ESYT3: variants seen among roughly 807,000 people sequenced by gnomAD.
ESYT3 encodes the protein extended synaptotagmin 3.
ESYT3 carries 101 observed loss-of-function variants against 111.5 expected under a neutral mutation model. That is an observed-to-expected ratio of 0.91 (90% CI 0.77 to 1.07). ESYT3 has a LOEUF of 1.07. ESYT3 is among the 50% of genes least tolerant of loss of function. The pLI is 0.00. For missense variants in ESYT3, 1,097 were observed against 1,109.4 expected, an observed-to-expected ratio of 0.99 and a Z score of 0.16; for synonymous variants, 416 against 446.8, an observed-to-expected ratio of 0.93 and a Z score of 0.87.
At chr3:138,468,489 T>C (rs1308560998) in intron 12 of ESYT3, among the ~76,000 whole-genome samples, 166 bp from the exon 13 acceptor site, 2 of 152,112 alleles carry the variant, frequency 1.3e-5, no homozygotes, top group Non-Finnish European at 1.5e-5. Context: ...ATGCACCAGT[T>C]ATAGTCTTAA....
Position 138,472,384 on chromosome 3 carries a change from G to C in ESYT3, c.1762G>C (p.Glu588Gln), listed in dbSNP as rs1276085996. 1.9e-6 allele frequency: 3 copies of C among 1,613,856 alleles called. No individual in the cohort carries two copies. In the Admixed American group the frequency reaches 5.0e-5, roughly 27 times the overall value. ...VLRFLQVEERELGSPYTGPEA... is the reference protein window; with the variant it reads ...VLRFLQVEERQLGSPYTGPEA... ...GCAGTTCCTGCAAGTGGAGGAACGA[G>C]AGCTGGGGAGCCCATACACAGGACC... The change falls in exon 18 of 23, where the codon GAG becomes CAG. Residue 588 changes from glutamate (E) to glutamine (Q), a missense_variant. Physicochemically the swap from Glu to Gln is conservative, Grantham distance 29. Coordinates refer to ENST00000389567, the MANE Select transcript of ESYT3 (RefSeq NM_031913.5).
chr3:138,448,261 C>T (rs1426961527), intron 1 of ESYT3, among the ~76,000 whole-genome samples: 3 of 100,426 alleles, frequency 3.0e-5, no homozygotes, highest in East Asian at 3.0e-4. Flanking sequence ...AAATGAAACT[C>T]GATCTAAAAA....
intron 1 of ESYT3, among the ~76,000 whole-genome samples, chr3:138,443,736 C>CTCTGTG (rs1553810681): frequency 2.7e-5 from 4 of 147,866 alleles, no homozygotes; most frequent in African/African-American, 1.0e-4. Flanking sequence ...GTTTGTGCAT[C>CTCTGTG]TGTGTGTGTG....
chr3:138,459,047 A>G, intron 4 of ESYT3, 140 bp from the exon 5 acceptor site: 1 of 566,516 alleles, frequency 1.8e-6, no homozygotes, highest in Non-Finnish European at 3.1e-6. Flanking sequence ...CTACTAGGCC[A>G]TGTGCCCAGT....
At chr3:138,454,737 G>C (rs1012766311) in intron 2 of ESYT3, among the ~76,000 whole-genome samples, 1 of 152,138 alleles carries the variant, frequency 6.6e-6, no homozygotes, top group Non-Finnish European at 1.5e-5. Flanking sequence ...TGCAGAAATC[G>C]GGCAAAGGCT....
chr3:138,473,989 A>G (rs2033365626), intron 19 of ESYT3, among the ~76,000 whole-genome samples: 1 of 152,242 alleles, frequency 6.6e-6, no homozygotes, highest in Admixed American at 6.5e-5. Flanking sequence ...GCGTGTTATC[A>G]AAAACATTCA....
At chr3:138,461,179 A>G (rs2032615685) in intron 7 of ESYT3, among the ~76,000 whole-genome samples, 1 of 152,172 alleles carries the variant, frequency 6.6e-6, no homozygotes, top group Non-Finnish European at 1.5e-5. Flanking sequence ...GTGGTGGCAC[A>G]TTGGGTGTGG....
intron 1 of ESYT3, 142 bp from the exon 2 acceptor site, chr3:138,451,906 C>G: frequency 1.1e-6 from 1 of 891,180 alleles, no homozygotes; most frequent in Non-Finnish European, 1.8e-6. Flanking sequence ...GAGAGCGCAC[C>G]TGTGACCGAC....
chr3:138,473,306 A>T (rs2033327351), intron 18 of ESYT3: 5 of 648,000 alleles, frequency 7.7e-6, no homozygotes, highest in Non-Finnish European at 1.2e-5. Context: ...AGGAATCATG[A>T]TACAAAGGCA....
In ESYT3 at chr3:138,464,334, A is replaced by C. The variant is rs1180812924; in HGVS notation, c.916-11A>C. On this transcript the variant is annotated splice_polypyrimidine_tract_variant and intron_variant, in intron 8 of 22. Transcript: ENST00000389567. ...AAGCAGCTGTGAGCCCTGGGCTTGG[A>C]CATTTTCCAGGGGGTGATCAGAGTG... 8 of 1,613,632 alleles carry C rather than the reference A, an allele frequency of 5.0e-6. No homozygotes were observed. In the South Asian group the frequency reaches 7.7e-5, roughly 16 times the overall value.
chr3:138,467,410 A>T (rs1248516836), intron 10 of ESYT3, 151 bp from the exon 11 acceptor site: 1 of 771,520 alleles, frequency 1.3e-6, no homozygotes, highest in Non-Finnish European at 2.3e-6. Context: ...ACTCGAGCTG[A>T]TGGTGGTCTC....
rs144490386 is a variant in ESYT3 at position 138,459,191 on chromosome 3, A to T, written c.586A>T (p.Ile196Phe). 3.3e-6 allele frequency: 5 copies of T among 1,535,720 alleles called. No individual in the cohort carries two copies. Among genetic ancestry groups the T allele is most frequent in the Non-Finnish European group, 4.4e-6 (5 of 1,132,036 alleles). ...RVTVDLQICY[I>F]GDCEISVELQ... ...CTTTTCCACCCCCCATTTCAGCTAC[A>T]TCGGGGACTGTGAGATCAGTGTGGA... is the stretch of plus-strand genomic sequence containing the variant. Residue 196 changes from isoleucine to phenylalanine, a missense_variant, in exon 5 of 23, where the codon ATC (isoleucine) becomes TTC (phenylalanine). By Grantham distance (21) the Ile-to-Phe change is conservative. Coordinates refer to ENST00000389567, the MANE Select transcript of ESYT3 (RefSeq NM_031913.5).
chr3:138,462,467 A>G (rs1237971318), intron 8 of ESYT3: 6 of 555,382 alleles, frequency 1.1e-5, no homozygotes, highest in East Asian at 8.4e-5. Flanking sequence ...CTGACCATGA[A>G]TATTTACATT....
At chr3:138,436,350 C>A (rs1277789171) in intron 1 of ESYT3, among the ~76,000 whole-genome samples, 1 of 152,136 alleles carries the variant, frequency 6.6e-6, no homozygotes, top group Non-Finnish European at 1.5e-5. Flanking sequence ...GTGTCCTAAT[C>A]TCTTCTTAGA....
intron 1 of ESYT3, among the ~76,000 whole-genome samples, chr3:138,437,984 C>T (rs11706600): frequency 0.031 from 4,750 of 152,240 alleles, 136 homozygotes; most frequent in Non-Finnish European, 0.044. Context: ...AAGGTTTCCA[C>T]GCCCAGTGAT....
At chr3:138,474,105 C>T in intron 19 of ESYT3, 116 bp from the exon 20 acceptor site, 1 of 1,360,448 alleles carries the variant, frequency 7.4e-7, no homozygotes, top group Non-Finnish European at 1.0e-6. Flanking sequence ...CTAATATAGC[C>T]TTCTCTCAAA....
chr3:138,467,693 C>G (rs533480375), intron 11 of ESYT3, 84 bp downstream of exon 11: 3 of 1,304,050 alleles, frequency 2.3e-6, no homozygotes, highest in Non-Finnish European at 3.3e-6. Context: ...TTCAGCCCAG[C>G]TATTCCTATG....
rs538046539 is a variant in ESYT3 at position 138,474,300 on chromosome 3, C to T, written c.2416C>T (p.Arg806Cys). The T allele has an allele frequency of 4.2e-5, 67 of 1,606,800 alleles. No individual in the cohort carries two copies. In the South Asian group the frequency reaches 5.2e-4, roughly 12 times the overall value. ...YLLPERKWAC[R>C]KKTSVKRKTL... ...GTTGCCAGAAAGGAAGTGGGCATGT[C>T]GTAAGAAGACTTCAGTGAAGCGGAA... Residue 806 changes from arginine to cysteine, a missense_variant, in exon 20 of 23, where the codon CGT becomes TGT. Coordinates refer to ENST00000389567, the MANE Select transcript of ESYT3 (RefSeq NM_031913.5).
intron 20 of ESYT3, among the ~76,000 whole-genome samples, 195 bp from the exon 21 acceptor site, chr3:138,476,028 G>A (rs1011405036): frequency 1.3e-5 from 2 of 152,152 alleles, no homozygotes. Flanking sequence ...TAATACTTCT[G>A]GATTTTGTGA....
Sources: gnomAD v4.1 joint callset for allele counts (sites outside exome capture counted in the v4.1 genomes callset) on GRCh38, gnomAD v4.1.1 for gene constraint, MANE v1.5 for transcripts, NCBI Gene and HGNC (gene_info 2026-07-23, HGNC 2026-07-21) for gene names.